Variants in CDH13 observed in about 807,000 individuals in gnomAD.
CDH13 encodes cadherin 13.
A neutral mutation model predicts 63.8 loss-of-function variants in CDH13; 24 were observed. That is an observed-to-expected ratio of 0.38 (90% CI 0.27 to 0.53). The LOEUF (loss-of-function observed/expected upper bound fraction) is 0.53, where lower values mean the gene tolerates loss of function less well. Ranked by LOEUF, CDH13 falls within the 20% of genes least tolerant of loss-of-function variation. The probability of loss-of-function intolerance (pLI) is 0.85; values close to 1 mark genes in which losing one functional copy is unlikely to be tolerated. For missense variants in CDH13, 1,049 were observed against 903.1 expected (o/e 1.16, Z -2.07); for synonymous variants, 503 against 355.3 (o/e 1.42, Z -4.67).
At chr16:83,770,802 G>C (rs1490243195) in intron 11 of CDH13, among the ~76,000 whole-genome samples, 1 of 152,056 alleles carries the variant, frequency 6.6e-6, no homozygotes, top group Non-Finnish European at 1.5e-5. Context: ...GTGGGTTTTG[G>C]CCAGCTTCTG....
intron 6 of CDH13, among the ~76,000 whole-genome samples, chr16:83,460,949 C>A (rs2151524039): frequency 6.6e-6 from 1 of 150,500 alleles, no homozygotes; most frequent in African/African-American, 2.5e-5. Flanking sequence ...CACTGCACTC[C>A]AGCCTGGGTG....
intron 5 of CDH13, among the ~76,000 whole-genome samples, chr16:83,309,233 A>T (rs1047945617): frequency 1.3e-5 from 2 of 152,184 alleles, no homozygotes; most frequent in South Asian, 4.1e-4. Flanking sequence ...GATTTTTGCA[A>T]TGACTAAGGT....
At chr16:82,693,928 A>AT (rs1286879531) in intron 1 of CDH13, among the ~76,000 whole-genome samples, 1 of 152,228 alleles carries the variant, frequency 6.6e-6, no homozygotes, top group Non-Finnish European at 1.5e-5. Context: ...AATGGGATAC[A>AT]CTAAGGTACA....
chr16:83,451,449 A>G (rs2072884896), intron 6 of CDH13, among the ~76,000 whole-genome samples: 1 of 152,196 alleles, frequency 6.6e-6, no homozygotes, highest in Non-Finnish European at 1.5e-5. Context: ...AACCTGTGGC[A>G]ATTGTGGGAG....
At chr16:82,719,495 A>T in intron 1 of CDH13, 1 of 454,294 alleles carries the variant, frequency 2.2e-6, no homozygotes, top group South Asian at 1.6e-5. Flanking sequence ...ATGAGATGTG[A>T]AGGCAGTGAT....
At chr16:82,834,630 T>A (rs11150495) in intron 1 of CDH13, among the ~76,000 whole-genome samples, 52,204 of 152,172 alleles carry the variant, frequency 0.34, 10,281 homozygotes, top group East Asian at 0.81. Flanking sequence ...GCTTTGGGTC[T>A]GAGCCTGTTT....
chr16:83,371,288 C>T lies in CDH13; in HGVS notation c.781+26282C>T, dbSNP rs530328958. On this transcript the variant is annotated intron_variant, in intron 6 of 13. Coordinates refer to ENST00000567109, the MANE Select transcript of CDH13 (RefSeq NM_001257.5). ...CTTTCTTTTTAAATCATTACCCTCTCCTTCCTGCATCTTCAGTCACATTCT... is the reference window on the plus strand; with the variant it reads ...CTTTCTTTTTAAATCATTACCCTCTTCTTCCTGCATCTTCAGTCACATTCT... Among the ~76,000 whole-genome samples the T allele has an allele frequency of 1.8e-4, 28 of 152,338 alleles. 2 individuals are homozygous for T. In the South Asian group the frequency reaches 4.1e-3, roughly 23 times the overall value.
intron 7 of CDH13, among the ~76,000 whole-genome samples, chr16:83,514,751 C>G (rs1045719645): frequency 6.6e-6 from 1 of 152,092 alleles, no homozygotes; most frequent in South Asian, 2.1e-4. Flanking sequence ...GTCTATAAAC[C>G]AAGAAATACC....
intron 2 of CDH13, among the ~76,000 whole-genome samples, chr16:82,943,710 C>T (rs1458668553): frequency 6.6e-6 from 1 of 152,170 alleles, no homozygotes; most frequent in Admixed American, 6.5e-5. Context: ...CCTGGCCTTG[C>T]CCTTCAGGCT....
chr16:83,119,819 C>G (rs1301853609), intron 3 of CDH13, among the ~76,000 whole-genome samples: 3 of 152,178 alleles, frequency 2.0e-5, no homozygotes, highest in African/African-American at 7.2e-5. Flanking sequence ...AACACACAAA[C>G]TCATTAGCAC....
chr16:82,905,900 T>A (rs1212602666), intron 2 of CDH13, among the ~76,000 whole-genome samples: 1 of 152,176 alleles, frequency 6.6e-6, no homozygotes, highest in Non-Finnish European at 1.5e-5. Flanking sequence ...GTGGCAAAAG[T>A]TTCTCTCCTT....
intron 2 of CDH13, among the ~76,000 whole-genome samples, chr16:82,992,605 A>G (rs1416480417): frequency 1.3e-5 from 2 of 152,226 alleles, no homozygotes; most frequent in Admixed American, 6.5e-5. Flanking sequence ...AAATGTTTGT[A>G]TGATCAATAA....
intron 1 of CDH13, chr16:82,823,847 C>T (rs766894415): frequency 6.6e-6 from 1 of 152,074 alleles, no homozygotes; most frequent in South Asian, 2.1e-4. Flanking sequence ...TGGGATTATA[C>T]ATATGAATTT....
chr16:83,493,819 G>A (rs2074074571), intron 7 of CDH13, among the ~76,000 whole-genome samples: 1 of 152,204 alleles, frequency 6.6e-6, no homozygotes, highest in South Asian at 2.1e-4. Flanking sequence ...CAGAAAATGA[G>A]TTAAGCTAAA....
chr16:83,435,363 A>G (rs183954718), intron 6 of CDH13, among the ~76,000 whole-genome samples: 1 of 152,196 alleles, frequency 6.6e-6, no homozygotes, highest in Admixed American at 6.5e-5. Flanking sequence ...ACATATTTTT[A>G]ACGGTGTAGG....
At chr16:82,778,684 T>C (rs2035612975) in intron 1 of CDH13, among the ~76,000 whole-genome samples, 2 of 152,008 alleles carry the variant, frequency 1.3e-5, no homozygotes, top group Admixed American at 6.6e-5. Flanking sequence ...ATTCTATGCA[T>C]TTTCTTCCTA....
chr16:82,718,264 T>C (rs1012415349), intron 1 of CDH13, among the ~76,000 whole-genome samples: 1 of 152,214 alleles, frequency 6.6e-6, no homozygotes, highest in Non-Finnish European at 1.5e-5. Context: ...CCTGGGGTAT[T>C]TATCTACCAA....
At chr16:82,650,592 T>A (rs1291236915) in intron 1 of CDH13, among the ~76,000 whole-genome samples, 3 of 152,298 alleles carry the variant, frequency 2.0e-5, no homozygotes, top group East Asian at 3.9e-4. Flanking sequence ...AATGTCCCGC[T>A]GTTGGGATGA....
chr16:83,123,253 C>T (rs1223058203), intron 3 of CDH13, among the ~76,000 whole-genome samples: 1 of 150,518 alleles, frequency 6.6e-6, no homozygotes, highest in African/African-American at 2.5e-5. Flanking sequence ...TGTATAGATA[C>T]AAATATATAT....
Sources: allele counts gnomAD v4.1 joint callset (sites outside exome capture counted in the v4.1 genomes callset), GRCh38; gene constraint gnomAD v4.1.1; transcripts MANE v1.5; gene names NCBI Gene and HGNC (gene_info 2026-07-23, HGNC 2026-07-21).